IMMP2L: variants seen among roughly 807,000 people sequenced by gnomAD.
The protein encoded by IMMP2L is mitochondrial inner membrane protease subunit 2.
A neutral mutation model predicts 19.3 loss-of-function variants in IMMP2L; 18 were observed. The ratio of observed to expected loss-of-function variants is 0.93; its 90% confidence interval spans 0.64 to 1.38. The LOEUF (loss-of-function observed/expected upper bound fraction) is 1.38, where lower values mean the gene tolerates loss of function less well. Among genes scored for constraint, IMMP2L ranks in the 40% most tolerant of loss-of-function variants. The probability of loss-of-function intolerance (pLI) is 0.00; values close to 1 mark genes in which losing one functional copy is unlikely to be tolerated. For missense variants in IMMP2L, 233 were observed against 218.2 expected, an observed-to-expected ratio of 1.07 and a Z score of -0.43; for synonymous variants, 76 against 73.0, an observed-to-expected ratio of 1.04 and a Z score of -0.21.
At chr7:111,164,878 C>T (rs527374834) in intron 3 of IMMP2L, among the ~76,000 whole-genome samples, 3 of 151,928 alleles carry the variant, frequency 2.0e-5, no homozygotes, top group Non-Finnish European at 4.4e-5. Context: ...TTGTAGCTTT[C>T]TTTTTTTCTA....
intron 3 of IMMP2L, among the ~76,000 whole-genome samples, chr7:111,258,693 A>C (rs1816987916): frequency 6.6e-6 from 1 of 151,884 alleles, no homozygotes; most frequent in Non-Finnish European, 1.5e-5. Flanking sequence ...TTTAGTAGAG[A>C]TGGGGTTGCG....
chr7:111,016,444 T>G (rs1825559307), intron 3 of IMMP2L, among the ~76,000 whole-genome samples: 1 of 135,754 alleles, frequency 7.4e-6, no homozygotes, highest in African/African-American at 2.7e-5. Context: ...TTCAGATAAT[T>G]ATATATAATA....
At chr7:111,120,362 G>A (rs1586407390) in intron 3 of IMMP2L, among the ~76,000 whole-genome samples, 1 of 152,200 alleles carries the variant, frequency 6.6e-6, no homozygotes, top group East Asian at 1.9e-4. Context: ...GCAGGCAAGA[G>A]AGAATGAGAC....
At chr7:111,240,340 C>A (rs1814856811) in intron 3 of IMMP2L, among the ~76,000 whole-genome samples, 1 of 151,900 alleles carries the variant, frequency 6.6e-6, no homozygotes, top group Admixed American at 6.6e-5. Context: ...TTCAGACATA[C>A]AATCTAACCA....
At chr7:111,418,235 G>A (rs2131577620) in intron 3 of IMMP2L, among the ~76,000 whole-genome samples, 1 of 151,750 alleles carries the variant, frequency 6.6e-6, no homozygotes, top group East Asian at 1.9e-4. Context: ...ATTTGCATCT[G>A]TAATTTTGTA....
chr7:111,174,492 C>CA (rs1170287702), intron 3 of IMMP2L, among the ~76,000 whole-genome samples: 2 of 151,106 alleles, frequency 1.3e-5, no homozygotes, highest in Admixed American at 6.6e-5. Flanking sequence ...TCACTCAATG[C>CA]AAAAAAAATA....
At chr7:111,557,027 T>G (rs960746478) in intron 1 of IMMP2L, among the ~76,000 whole-genome samples, 3 of 152,098 alleles carry the variant, frequency 2.0e-5, no homozygotes, top group Non-Finnish European at 4.4e-5. Context: ...TAGGAAGCAT[T>G]CTAACATTCT....
chr7:111,465,506 A>C (rs1436455287), intron 3 of IMMP2L, among the ~76,000 whole-genome samples: 9 of 150,012 alleles, frequency 6.0e-5, no homozygotes, highest in Non-Finnish European at 1.2e-4. Flanking sequence ...GTCACTAAAA[A>C]AAAAAAAAAA....
intron 3 of IMMP2L, among the ~76,000 whole-genome samples, chr7:111,259,267 T>C (rs1817052800): frequency 6.6e-6 from 1 of 152,102 alleles, no homozygotes; most frequent in Non-Finnish European, 1.5e-5. Flanking sequence ...GGCCTAGGAC[T>C]TTACTGCACT....
chr7:110,936,714 G>T (rs1816147996), intron 4 of IMMP2L, among the ~76,000 whole-genome samples: 1 of 152,080 alleles, frequency 6.6e-6, no homozygotes, highest in Non-Finnish European at 1.5e-5. Flanking sequence ...ATACCCAAAG[G>T]ATTATAGATC....
chr7:111,222,229 C>T (rs969022245), intron 3 of IMMP2L, among the ~76,000 whole-genome samples: 1 of 151,736 alleles, frequency 6.6e-6, no homozygotes, highest in Non-Finnish European at 1.5e-5. Flanking sequence ...ATTGATTAGA[C>T]CTAATGTGAA....
At chr7:111,100,719 A>G (rs1342726549) in intron 3 of IMMP2L, among the ~76,000 whole-genome samples, 1 of 151,272 alleles carries the variant, frequency 6.6e-6, no homozygotes, top group African/African-American at 2.4e-5. Context: ...TGTTTTTGTA[A>G]TTTTAGAAGT....
rs148124605 is a variant in IMMP2L at position 110,898,438 on chromosome 7, G to A, written c.306-11743C>T. Among the ~76,000 whole-genome samples, 8 of 152,138 alleles carry A rather than the reference G, an allele frequency of 5.3e-5. 1 individual carries two copies. Among genetic ancestry groups the A allele is most frequent in the African/African-American group, 1.9e-4 (8 of 41,526 alleles). On this transcript the variant is annotated intron_variant, in intron 4 of 5. Transcript: ENST00000405709. Reference sequence around the variant, plus strand: ...GGGCCCTCAACTGGCTGCTCACTACGCTAAGCTAAGGATTTCTCAAATGCT... The same window carrying A: ...GGGCCCTCAACTGGCTGCTCACTACACTAAGCTAAGGATTTCTCAAATGCT...
chr7:111,273,200 C>T (rs141758360), intron 3 of IMMP2L, among the ~76,000 whole-genome samples: 1,716 of 151,980 alleles, frequency 0.011, 34 homozygotes, highest in African/African-American at 0.038. Flanking sequence ...TCGCTTGTAC[C>T]CAGGAGGCGG....
intron 3 of IMMP2L, among the ~76,000 whole-genome samples, chr7:111,111,400 C>T (rs1799180897): frequency 6.8e-6 from 1 of 146,912 alleles, no homozygotes; most frequent in South Asian, 2.1e-4. Context: ...CACTGCTTTC[C>T]ATCCCCCCCC....
chr7:111,098,940 T>C (rs765038868), intron 3 of IMMP2L, among the ~76,000 whole-genome samples: 13 of 151,818 alleles, frequency 8.6e-5, no homozygotes, highest in Non-Finnish European at 1.8e-4. Flanking sequence ...TTTCATATCA[T>C]GCATTCTGCT....
chr7:110,980,511 C>A (rs558876830), intron 3 of IMMP2L, among the ~76,000 whole-genome samples: 1 of 152,132 alleles, frequency 6.6e-6, no homozygotes, highest in South Asian at 2.1e-4. Context: ...CCACTCCGCC[C>A]GGCCTATTTG....
At chr7:110,960,195 A>T (rs2129555196) in intron 4 of IMMP2L, among the ~76,000 whole-genome samples, 1 of 152,070 alleles carries the variant, frequency 6.6e-6, no homozygotes, top group African/African-American at 2.4e-5. Flanking sequence ...AGCTTTATTA[A>T]GATATAATTC....
intron 3 of IMMP2L, among the ~76,000 whole-genome samples, chr7:111,106,012 A>G: frequency 6.6e-6 from 1 of 151,976 alleles, no homozygotes; most frequent in East Asian, 1.9e-4. Context: ...AGCAAGTACA[A>G]ATAATAGGCA....
Sources: gnomAD v4.1 joint callset for allele counts (sites outside exome capture counted in the v4.1 genomes callset) on GRCh38, gnomAD v4.1.1 for gene constraint, MANE v1.5 for transcripts, NCBI Gene and HGNC (gene_info 2026-07-23, HGNC 2026-07-21) for gene names.